Variants in CPNE5 observed in about 807,000 individuals in gnomAD.
CPNE5 encodes the protein copine 5, also known as copine-5.
Under a neutral mutation model 81.1 loss-of-function variants are expected in CPNE5, and 42 were observed. That is an observed-to-expected ratio of 0.52 (90% CI 0.40 to 0.67). The LOEUF (loss-of-function observed/expected upper bound fraction) is 0.67. CPNE5 is among the 30% of genes least tolerant of loss of function. The probability of loss-of-function intolerance (pLI) is 0.00; values close to 1 mark genes in which losing one functional copy is unlikely to be tolerated. For synonymous variants in CPNE5, 313 were observed against 321.5 expected, an observed-to-expected ratio of 0.97 and a Z score of 0.28; for missense variants, 612 against 815.5, an observed-to-expected ratio of 0.75 and a Z score of 3.04.
At chr6:36,786,512 G>A (rs527773095) in intron 8 of CPNE5, among the ~76,000 whole-genome samples, 3 of 152,256 alleles carry the variant, frequency 2.0e-5, no homozygotes, top group East Asian at 3.9e-4. Context: ...CAGACTGACC[G>A]TTTTCCCTCC....
chr6:36,765,239 G>T (rs111864259), intron 11 of CPNE5, 96 bp downstream of exon 11: 128 of 1,390,000 alleles, frequency 9.2e-5, no homozygotes, highest in Middle Eastern at 3.6e-4. Flanking sequence ...GCCACTGCGG[G>T]GGGGAGCCTG....
intron 10 of CPNE5, among the ~76,000 whole-genome samples, chr6:36,767,762 G>A (rs907193834): frequency 3.3e-5 from 5 of 152,214 alleles, no homozygotes; most frequent in Non-Finnish European, 7.3e-5. Context: ...TAATTTAATT[G>A]GTCTGGATAG....
At chr6:36,791,946 G>A in intron 8 of CPNE5, 87 bp downstream of exon 8, 1 of 1,194,640 alleles carries the variant, frequency 8.4e-7, no homozygotes, top group Non-Finnish European at 1.2e-6. Flanking sequence ...TCTACCCTCG[G>A]TTCCCTCCAG....
At chr6:36,743,802 C>T (rs368883247) in intron 19 of CPNE5, 40 bp from the exon 20 acceptor site, 11 of 1,545,086 alleles carry the variant, frequency 7.1e-6, no homozygotes, top group East Asian at 2.2e-5. Context: ...GTGAGATTAA[C>T]GGTGGACCCC....
At chr6:36,827,657 C>CTCA in intron 1 of CPNE5, 1 of 985,412 alleles carries the variant, frequency 1.0e-6, no homozygotes, top group Non-Finnish European at 1.2e-6. Context: ...CCCACTGATC[C>CTCA]TCACCATGAT....
At chr6:36,759,635 C>T (rs1263808071) in intron 12 of CPNE5, among the ~76,000 whole-genome samples, 2 of 152,144 alleles carry the variant, frequency 1.3e-5, no homozygotes, top group Non-Finnish European at 2.9e-5. Flanking sequence ...CAAGTGTCCA[C>T]TCCAGGCTCT....
chr6:36,772,577 G>A (rs562571604), intron 10 of CPNE5, among the ~76,000 whole-genome samples: 8 of 152,354 alleles, frequency 5.3e-5, no homozygotes, highest in African/African-American at 1.9e-4. Flanking sequence ...GACCCTGTTC[G>A]TTTAAATCCG....
At position 36,746,161 on chromosome 6, in the gene CPNE5, C is replaced by T; in HGVS notation, c.1200+235G>A. On this transcript the variant is annotated intron_variant, in intron 16 of 20. Coordinates refer to ENST00000244751, the MANE Select transcript of CPNE5 (RefSeq NM_020939.2). The surrounding 1 kb of genome is among the most constrained non-coding windows in gnomAD (Gnocchi z 4.5). ...ACCTGCACCTGCGTCTTGTCAGGAA[C>T]AAGGAAGCCAGGGCCAGCTGTGGGC... is the stretch of plus-strand genomic sequence containing the variant. 1 of 985,372 alleles carries T rather than the reference C, an allele frequency of 1.0e-6. No homozygotes were observed. The highest frequency in any genetic ancestry group is 1.2e-6 in the Non-Finnish European group (1 of 829,890). The allele number at this position is 985,372 out of a possible 1,614,324, so 61.0% of individuals were successfully genotyped here. A position where few individuals can be genotyped will look rare whatever the true frequency, so the allele number is the denominator to read the frequency against.
rs186189774 is a variant in CPNE5 at position 36,813,205 on chromosome 6, C to T, written c.183+8909G>A. Reference sequence around the variant, plus strand: ...AGTGGCCAGGGCTGTCTTTCTGAAACATAAACCAGGTTGCATCACTCCCCT... The same window carrying T: ...AGTGGCCAGGGCTGTCTTTCTGAAATATAAACCAGGTTGCATCACTCCCCT... On this transcript the variant is annotated intron_variant, in intron 3 of 20. Coordinates refer to ENST00000244751, the MANE Select transcript of CPNE5 (RefSeq NM_020939.2). 5.3e-5 allele frequency among the ~76,000 whole-genome samples: 8 copies of T among 152,338 alleles called. No individual in the cohort carries two copies. In the East Asian group the frequency reaches 1.5e-3, roughly 29 times the overall value.
intron 3 of CPNE5, among the ~76,000 whole-genome samples, chr6:36,810,833 C>T (rs1001240239): frequency 6.6e-6 from 1 of 152,144 alleles, no homozygotes; most frequent in Non-Finnish European, 1.5e-5. Context: ...CAAATGGCTG[C>T]CTGTTTTGTT....
Position 36,822,165 on chromosome 6 carries a change from G to GC in CPNE5, c.137-6_137-5insG, listed in dbSNP as rs1017557487. ...CTTGGGTATACATGACGCACACTGC[G>GC]GGGGGAGGAGAAACAGTGGATTAAT... On this transcript the variant is annotated splice_region_variant and splice_polypyrimidine_tract_variant and intron_variant, in intron 2 of 20. Coordinates refer to ENST00000244751, the MANE Select transcript of CPNE5 (RefSeq NM_020939.2). The GC allele has an allele frequency of 4.4e-5, 64 of 1,454,954 alleles. No homozygotes were observed. The highest frequency in any genetic ancestry group is 5.9e-5 in the Non-Finnish European group (64 of 1,085,522). 90.1% of individuals were successfully genotyped at this position (1,454,954 alleles called of 1,614,324 possible).
intron 8 of CPNE5, 133 bp from the exon 9 acceptor site, chr6:36,779,090 C>T (rs1379088619): frequency 6.5e-6 from 4 of 615,394 alleles, no homozygotes; most frequent in Non-Finnish European, 1.2e-5. Context: ...GGCCCTTATT[C>T]CATCCTCAGA....
At chr6:36,748,779 T>C (rs1420979008) in intron 14 of CPNE5, among the ~76,000 whole-genome samples, 1 of 152,140 alleles carries the variant, frequency 6.6e-6, no homozygotes, top group East Asian at 1.9e-4. Flanking sequence ...TCTAGTTAGT[T>C]ACAGGAAATA....
intron 3 of CPNE5, among the ~76,000 whole-genome samples, chr6:36,813,222 C>A (rs190710040): frequency 3.9e-4 from 59 of 152,296 alleles, no homozygotes; most frequent in Non-Finnish European, 6.2e-4. Context: ...CAGGTTGCAT[C>A]ACTCCCCTGC....
At chr6:36,831,947 T>C (rs1773019927) in intron 1 of CPNE5, among the ~76,000 whole-genome samples, 1 of 152,206 alleles carries the variant, frequency 6.6e-6, no homozygotes, top group Non-Finnish European at 1.5e-5. Flanking sequence ...TGACTTTCAG[T>C]GTCCTGGCCA....
At chr6:36,838,034 G>A (rs1024203718) in intron 1 of CPNE5, among the ~76,000 whole-genome samples, 1 of 152,142 alleles carries the variant, frequency 6.6e-6, no homozygotes, top group African/African-American at 2.4e-5. Flanking sequence ...AGAGGGCCTG[G>A]CTTAGGGGGG....
At chr6:36,750,587 T>C (rs1764700762) in intron 14 of CPNE5, among the ~76,000 whole-genome samples, 1 of 152,184 alleles carries the variant, frequency 6.6e-6, no homozygotes, top group South Asian at 2.1e-4. Context: ...CAGACCTTTA[T>C]TGGTATGAAG....
chr6:36,743,592 G>T, intron 20 of CPNE5, 97 bp downstream of exon 20: 2 of 1,197,632 alleles, frequency 1.7e-6, no homozygotes, highest in Non-Finnish European at 2.4e-6. Flanking sequence ...CTCCCTTCTG[G>T]GCCCTTCACC....
chr6:36,761,715 T>C (rs548770353), intron 12 of CPNE5, among the ~76,000 whole-genome samples: 203 of 152,286 alleles, frequency 1.3e-3, no homozygotes, highest in Middle Eastern at 3.4e-3. Context: ...TAATTCTCAG[T>C]TTGCATGGCA....
Sources: allele counts gnomAD v4.1 joint callset (sites outside exome capture counted in the v4.1 genomes callset), GRCh38; gene constraint gnomAD v4.1.1; non-coding constraint Gnocchi (gnomAD v3.1); transcripts MANE v1.5; gene names NCBI Gene and HGNC (gene_info 2026-07-23, HGNC 2026-07-21).